Variants in TMEM117 observed in about 807,000 individuals in gnomAD.
The protein encoded by TMEM117 is transmembrane protein 117.
Under a neutral mutation model 52.4 loss-of-function variants are expected in TMEM117, and 27 were observed. That is an observed-to-expected ratio of 0.51 (90% CI 0.38 to 0.71). The LOEUF is 0.71. Among genes scored for constraint, TMEM117 ranks in the 30% least tolerant of loss-of-function variants. TMEM117 has a pLI of 0.00. For synonymous variants in TMEM117, 215 were observed against 206.3 expected (o/e 1.04, Z -0.36); for missense variants, 556 against 630.5 (o/e 0.88, Z 1.26).
intron 5 of TMEM117, among the ~76,000 whole-genome samples, chr12:44,234,582 T>C (rs1272393520): frequency 6.6e-6 from 1 of 151,390 alleles, no homozygotes; most frequent in African/African-American, 2.4e-5. Flanking sequence ...TGCATGTTTC[T>C]TTATTTTCTT....
At chr12:43,806,442 G>A in the TMEM117 span, 1 of 1,087,808 alleles carries the variant, frequency 9.2e-7, no homozygotes, top group Non-Finnish European at 1.1e-6. Flanking sequence ...CCGGGCTGCG[G>A]TCCAGCCCCC....
downstream of TMEM117, among the ~76,000 whole-genome samples, chr12:44,393,793 A>G (rs1427748224): frequency 1.3e-5 from 2 of 152,238 alleles, no homozygotes; most frequent in Non-Finnish European, 2.9e-5. Flanking sequence ...TTTAAAGCAT[A>G]TGATTGAAAC....
chr12:43,812,005 C>T, the TMEM117 span, among the ~76,000 whole-genome samples: 2 of 151,986 alleles, frequency 1.3e-5, no homozygotes, highest in Non-Finnish European at 2.9e-5. Context: ...CATATATCTT[C>T]TGAATTTCAG....
At chr12:44,085,893 C>CA (rs1449595930) in intron 3 of TMEM117, among the ~76,000 whole-genome samples, 2 of 151,674 alleles carry the variant, frequency 1.3e-5, no homozygotes, top group Non-Finnish European at 2.9e-5. Context: ...GAGCTTCTTT[C>CA]AAAATTACAA....
At chr12:44,107,860 G>C (rs1429129433) in intron 3 of TMEM117, among the ~76,000 whole-genome samples, 1 of 152,126 alleles carries the variant, frequency 6.6e-6, no homozygotes, top group Non-Finnish European at 1.5e-5. Flanking sequence ...TGGAAAAGTA[G>C]TATGCAGTCA....
chr12:44,361,402 ACT>A (rs1408365708), intron 6 of TMEM117, among the ~76,000 whole-genome samples: 1 of 152,024 alleles, frequency 6.6e-6, no homozygotes, highest in Non-Finnish European at 1.5e-5. Context: ...TTCTTTCAAG[ACT>A]CTATTACTAA....
intron 3 of TMEM117, among the ~76,000 whole-genome samples, chr12:44,095,681 G>A (rs1947746715): frequency 6.6e-6 from 1 of 152,092 alleles, no homozygotes; most frequent in Admixed American, 6.6e-5. Context: ...TTCAGGTTAG[G>A]TATTCATTTT....
chr12:44,020,077 T>C (rs1946433775), intron 3 of TMEM117, among the ~76,000 whole-genome samples: 1 of 152,190 alleles, frequency 6.6e-6, no homozygotes, highest in African/African-American at 2.4e-5. Context: ...ATTGTGCATA[T>C]TAAAAATAAA....
chr12:44,262,262 G>A (rs187518859), intron 5 of TMEM117, among the ~76,000 whole-genome samples: 3 of 152,268 alleles, frequency 2.0e-5, no homozygotes, highest in Admixed American at 2.0e-4. Flanking sequence ...GTGAATTCCA[G>A]TGTCTAGTAT....
chr12:43,970,173 A>G (rs1391691381), intron 3 of TMEM117, among the ~76,000 whole-genome samples: 1 of 152,208 alleles, frequency 6.6e-6, no homozygotes, highest in Non-Finnish European at 1.5e-5. Context: ...TTGACTGTCA[A>G]TGTACAACAG....
At chr12:44,151,473 A>C (rs1948723892) in intron 4 of TMEM117, among the ~76,000 whole-genome samples, 2 of 150,844 alleles carry the variant, frequency 1.3e-5, no homozygotes, top group South Asian at 4.2e-4. Context: ...CTTGTCGTTT[A>C]GCATTAGGTA....
intron 5 of TMEM117, among the ~76,000 whole-genome samples, chr12:44,260,101 A>G (rs1335609586): frequency 2.0e-5 from 3 of 152,338 alleles, no homozygotes; most frequent in East Asian, 3.9e-4. Context: ...GACCGATGGT[A>G]CAAGAAGCGT....
chr12:44,214,668 G>T (rs1010622710), intron 5 of TMEM117, among the ~76,000 whole-genome samples: 1 of 152,204 alleles, frequency 6.6e-6, no homozygotes, highest in African/African-American at 2.4e-5. Flanking sequence ...ATATTAGAGA[G>T]ATTGTTTTCA....
intron 2 of TMEM117, among the ~76,000 whole-genome samples, chr12:43,880,863 A>G (rs1202891687): frequency 6.6e-6 from 1 of 152,224 alleles, no homozygotes. Context: ...CATTTTTGTT[A>G]AGAATAGTTT....
At chr12:44,120,612 AC>A (rs1565836506) in intron 3 of TMEM117, among the ~76,000 whole-genome samples, 1 of 152,076 alleles carries the variant, frequency 6.6e-6, no homozygotes, top group Non-Finnish European at 1.5e-5. Context: ...CTGATTTTAT[AC>A]CCTGATGTCC....
intron 2 of TMEM117, among the ~76,000 whole-genome samples, chr12:43,870,307 T>TGG (rs1369812055): frequency 6.6e-6 from 1 of 151,712 alleles, no homozygotes; most frequent in Non-Finnish European, 1.5e-5. Flanking sequence ...GTCGCCAGGC[T>TGG]GGAGTGCAGT....
chr12:44,245,618 T>C (rs573261009), intron 5 of TMEM117, among the ~76,000 whole-genome samples: 1 of 152,044 alleles, frequency 6.6e-6, no homozygotes, highest in South Asian at 2.1e-4. Context: ...GTATTTTCTA[T>C]ATATAAGATC....
chr12:44,206,443 T>A (rs915146598), intron 4 of TMEM117, among the ~76,000 whole-genome samples: 3 of 152,212 alleles, frequency 2.0e-5, no homozygotes, highest in African/African-American at 4.8e-5. Context: ...ATGGCCAGAT[T>A]TGGGGGCCTG....
intron 3 of TMEM117, among the ~76,000 whole-genome samples, chr12:44,063,263 T>C (rs1301568271): frequency 6.6e-6 from 1 of 152,180 alleles, no homozygotes; most frequent in Non-Finnish European, 1.5e-5. Flanking sequence ...TCAAAGAGTA[T>C]AAAGGAATGC....
Sources: gnomAD v4.1 joint callset for allele counts (sites outside exome capture counted in the v4.1 genomes callset) on GRCh38, gnomAD v4.1.1 for gene constraint, MANE v1.5 for transcripts, NCBI Gene and HGNC (gene_info 2026-07-23, HGNC 2026-07-21) for gene names.